The following GTF3C3 variants were observed in gnomAD, a reference collection of about 807,000 sequenced individuals.
GTF3C3 encodes the protein general transcription factor 3C polypeptide 3.
A neutral mutation model predicts 105.2 loss-of-function variants in GTF3C3; 75 were observed. That is an observed-to-expected ratio of 0.71 (90% CI 0.59 to 0.86). The LOEUF (loss-of-function observed/expected upper bound fraction) is 0.86, where lower values mean the gene tolerates loss of function less well. Among genes scored for constraint, GTF3C3 ranks in the 40% least tolerant of loss-of-function variants. The probability of loss-of-function intolerance (pLI) is 0.00; values close to 1 mark genes in which losing one functional copy is unlikely to be tolerated. For missense variants in GTF3C3, 856 were observed against 1,076.5 expected (o/e 0.80, Z 2.87); for synonymous variants, 335 against 370.4 (o/e 0.90, Z 1.10).
In GTF3C3 at chr2:196,780,597, C is replaced by T. The variant is rs753121175; in HGVS notation, c.1180G>A (p.Val394Ile). 4.3e-6 allele frequency: 7 copies of T among 1,613,550 alleles called. No homozygotes were observed. Among genetic ancestry groups the T allele is most frequent in the African/African-American group, 1.3e-5 (1 of 75,004 alleles). Residue 394 changes from valine to isoleucine, a missense_variant, in exon 9 of 18, where the codon GTC becomes ATC. Coordinates refer to ENST00000263956, the MANE Select transcript of GTF3C3 (RefSeq NM_012086.5). ...VPIDITVKLM[V>I]CLVHLNILEP... ...AGAATGTTGAGATGTACAAGGCAGA[C>T]CATCAACTTCACTGTGATATCTATT...
chr2:196,779,129 G>GT, intron 9 of GTF3C3, 62 bp from the exon 10 acceptor site: 1 of 1,187,066 alleles, frequency 8.4e-7, no homozygotes, highest in Non-Finnish European at 1.2e-6. Flanking sequence ...TCTATCTATA[G>GT]CTTTTTTTTT....
At chr2:196,799,140 G>T in intron 1 of GTF3C3, 1 of 188,680 alleles carries the variant, frequency 5.3e-6, no homozygotes, top group South Asian at 1.1e-4. Context: ...GAAGAGAAGT[G>T]AGCTGTCCAC....
chr2:196,799,424 C>T, intron 1 of GTF3C3, 86 bp downstream of exon 1: 2 of 972,372 alleles, frequency 2.1e-6, no homozygotes, highest in Non-Finnish European at 3.3e-6. Flanking sequence ...CGCCCCATCA[C>T]AGTGAAAGCG....
rs1699014671 is a variant in GTF3C3, at chr2:196,763,951, T to C, written c.*612A>G. 1 of 152,218 alleles carries C rather than the reference T, an allele frequency of 6.6e-6. No individual in the cohort carries two copies. Among genetic ancestry groups the C allele is most frequent in the Non-Finnish European group, 1.5e-5 (1 of 68,028 alleles). 9.4% of individuals were successfully genotyped at this position (152,218 alleles called of 1,614,324 possible). On this transcript the variant is annotated 3_prime_UTR_variant, in exon 18 of 18. Transcript: ENST00000263956. Reference sequence around the variant, plus strand: ...TTCATCAGAAAGCCACAAATATAGATAAAGCATTTTTTTATTTGCCTTGGA... The same window carrying C: ...TTCATCAGAAAGCCACAAATATAGACAAAGCATTTTTTTATTTGCCTTGGA...
At chr2:196,791,495 A>G (rs372205509) in intron 3 of GTF3C3, 35 bp from the exon 4 acceptor site, 14 of 1,560,962 alleles carry the variant, frequency 9.0e-6, no homozygotes, top group Non-Finnish European at 1.2e-5. Flanking sequence ...AGATTAAAAT[A>G]TAGTGAAGTC....
chr2:196,772,631 C>T (rs1316553316), intron 14 of GTF3C3, among the ~76,000 whole-genome samples: 1 of 152,010 alleles, frequency 6.6e-6, no homozygotes, highest in Non-Finnish European at 1.5e-5. Flanking sequence ...TCATCATAAC[C>T]CTATGAGATG....
rs1437765008 is a variant in GTF3C3 at position 196,793,041 on chromosome 2, T to G, written c.326A>C (p.Glu109Ala). ...AGTGGGTTGCTCAGGTGTTTCTTCC[T>G]CCTCCTCCTCCTCCTCCTCTTCTTC... The part of the protein sequence containing the change: ...EEEEEEEEEE[E>A]EETPEQPTAG... The change falls in exon 3 of 18, where the codon GAG (glutamate) becomes GCG (alanine). Residue 109 changes from glutamate (E) to alanine (A), a missense_variant. By Grantham distance (107) the Glu-to-Ala change is moderately radical. Coordinates refer to ENST00000263956, the MANE Select transcript of GTF3C3 (RefSeq NM_012086.5). 1.3e-6 allele frequency: 2 copies of G among 1,576,360 alleles called. No homozygotes were observed. The highest frequency in any genetic ancestry group is 4.5e-5 in the East Asian group (2 of 44,686).
chr2:196,765,512 AGT>A lies in GTF3C3; in HGVS notation c.2539-829_2539-828del, dbSNP rs912159377. 4.0e-5 allele frequency among the ~76,000 whole-genome samples: 6 copies of A among 151,382 alleles called. No individual in the cohort carries two copies. The East Asian group carries it at 5.8e-4, about 15-fold the overall frequency. On this transcript the variant is annotated intron_variant, in intron 17 of 17. Coordinates refer to ENST00000263956, the MANE Select transcript of GTF3C3 (RefSeq NM_012086.5). ...TTAATAAATGGTGTGAGTAAACAAT[AGT>A]GTTTTTATACATATAAAAATATATA...
Position 196,766,520 on chromosome 2 carries a change from C to T in GTF3C3, c.2538+45G>A, listed in dbSNP as rs369582981. ...GGACTTAGCTAACTGCCCTTATCTA[C>T]AGACAGATGAAATGAAGTGTCTCAG... On this transcript the variant is annotated intron_variant, in intron 17 of 17. Coordinates refer to ENST00000263956, the MANE Select transcript of GTF3C3 (RefSeq NM_012086.5). 14 of 1,498,904 alleles carry T rather than the reference C, an allele frequency of 9.3e-6. No individual in the cohort carries two copies. The African/African-American group carries it at 1.7e-4, about 18-fold the overall frequency. The allele number at this position is 1,498,904 out of a possible 1,614,324, so 92.9% of individuals were successfully genotyped here.
Position 196,789,197 on chromosome 2 carries a change from AACTT to A in GTF3C3, c.893+3_893+6del, listed in dbSNP as rs1422828874. ...GAGCAAGTAGATCTGTTTCACTCCAAACTTACTTTGCCATATCTCTAGCCAGCTG... is the reference window on the plus strand; with the variant it reads ...GAGCAAGTAGATCTGTTTCACTCCAAACTTTGCCATATCTCTAGCCAGCTG... On this transcript the variant is annotated splice_donor_5th_base_variant and intron_variant, in intron 6 of 17. Coordinates refer to ENST00000263956, the MANE Select transcript of GTF3C3 (RefSeq NM_012086.5). 6.3e-7 allele frequency: 1 copy of A among 1,593,144 alleles called. No individual in the cohort carries two copies. Among genetic ancestry groups the A allele is most frequent in the South Asian group, 1.1e-5 (1 of 87,192 alleles).
At position 196,764,503 on chromosome 2, in the gene GTF3C3, G is replaced by C; in HGVS notation, c.*60C>G. ...TGGAGTTACAAATAATAAGCCCTGA[G>C]ACAGAAGACACTGGTCCTCACACAG... On this transcript the variant is annotated 3_prime_UTR_variant, in exon 18 of 18. Transcript: ENST00000263956. The C allele has an allele frequency of 1.3e-6, 2 of 1,489,690 alleles. No individual in the cohort carries two copies. Among genetic ancestry groups the C allele is most frequent in the Admixed American group, 3.8e-5 (2 of 51,952 alleles). The allele number at this position is 1,489,690 out of a possible 1,614,324, so 92.3% of individuals were successfully genotyped here.
chr2:196,785,852 C>G (rs796356970), intron 6 of GTF3C3, among the ~76,000 whole-genome samples: 1 of 152,190 alleles, frequency 6.6e-6, no homozygotes, highest in African/African-American at 2.4e-5. Context: ...CCAATACCAA[C>G]TCTTCTACCT....
intron 1 of GTF3C3, 174 bp downstream of exon 1, chr2:196,799,336 A>G (rs1210635787): frequency 3.6e-6 from 2 of 559,684 alleles, no homozygotes; most frequent in Admixed American, 6.2e-5. Context: ...AAACGTTTTA[A>G]GGAGCTTAGC....
At chr2:196,784,627 C>G (rs1699421888) in intron 8 of GTF3C3, 1 of 158,832 alleles carries the variant, frequency 6.3e-6, no homozygotes, top group Non-Finnish European at 1.3e-5. Context: ...TGAAAAATGC[C>G]ATGTTCAAAT....
intron 2 of GTF3C3, among the ~76,000 whole-genome samples, chr2:196,797,395 C>T (rs1699665883): frequency 6.6e-6 from 1 of 152,300 alleles, no homozygotes; most frequent in East Asian, 1.9e-4. Context: ...GCCTTCCACG[C>T]TAACATTTCT....
intron 1 of GTF3C3, 50 bp downstream of exon 1, chr2:196,799,460 G>A (rs1699708173): frequency 3.6e-6 from 5 of 1,371,126 alleles, no homozygotes; most frequent in African/African-American, 2.8e-5. Flanking sequence ...CACACCTAAG[G>A]GTATGAAGGC....
At position 196,775,023 on chromosome 2, in the gene GTF3C3, A is replaced by G. The variant is rs576968490; in HGVS notation, c.1831+93T>C. ...GAAAATTTCATTTTATTTGAAAAGT[A>G]TATTTTCAATTAGATTGCTGTCCAG... On this transcript the variant is annotated intron_variant, in intron 13 of 17. Coordinates refer to ENST00000263956, the MANE Select transcript of GTF3C3 (RefSeq NM_012086.5). The G allele has an allele frequency of 3.9e-5, 32 of 827,880 alleles. No homozygotes were observed. The Admixed American group carries it at 8.1e-4, about 21-fold the overall frequency. 51.3% of individuals were successfully genotyped at this position (827,880 alleles called of 1,614,324 possible).
chr2:196,766,399 C>T (rs1464738939), intron 17 of GTF3C3, among the ~76,000 whole-genome samples, 166 bp downstream of exon 17: 1 of 152,168 alleles, frequency 6.6e-6, no homozygotes, highest in Non-Finnish European at 1.5e-5. Context: ...TCATAAGGCT[C>T]AGATGTCGAA....
intron 2 of GTF3C3, 55 bp from the exon 3 acceptor site, chr2:196,793,207 G>GA: frequency 1.6e-6 from 2 of 1,238,490 alleles, no homozygotes; most frequent in Admixed American, 4.6e-5. Context: ...AATTCTCAGT[G>GA]AAAAACAAGT....
Sources: allele counts gnomAD v4.1 joint callset (sites outside exome capture counted in the v4.1 genomes callset), GRCh38; gene constraint gnomAD v4.1.1; transcripts MANE v1.5; gene names NCBI Gene and HGNC (gene_info 2026-07-23, HGNC 2026-07-21).